Variants in MAP1B observed in about 807,000 individuals in gnomAD.
MAP1B encodes microtubule associated protein 1B.
MAP1B carries 12 observed loss-of-function variants against 176.1 expected under a neutral mutation model. The observed-to-expected ratio is 0.07, with a 90% confidence interval of 0.04 to 0.11. The LOEUF (loss-of-function observed/expected upper bound fraction) is 0.11. Ranked by LOEUF, MAP1B falls within the 10% of genes least tolerant of loss-of-function variation. The pLI, the probability that MAP1B is intolerant of heterozygous loss-of-function variation, is 1.00. For synonymous variants in MAP1B, 1,044 were observed against 1,135.0 expected, an observed-to-expected ratio of 0.92 and a Z score of 1.61; for missense variants, 2,523 against 2,990.5, an observed-to-expected ratio of 0.84 and a Z score of 3.65.
In MAP1B at chr5:72,186,126, G is replaced by C. The variant is rs1260937704; in HGVS notation, c.370-488G>C. 1.3e-5 allele frequency among the ~76,000 whole-genome samples: 2 copies of C among 152,202 alleles called. No individual in the cohort carries two copies. Among genetic ancestry groups the C allele is most frequent in the African/African-American group, 4.8e-5 (2 of 41,442 alleles). ...CTTGGAAGGGCATATGGGAGGGGTTGGTTTGGGACCCTAGTTTGGAACACC... is the reference window on the plus strand; with the variant it reads ...CTTGGAAGGGCATATGGGAGGGGTTCGTTTGGGACCCTAGTTTGGAACACC... On this transcript the variant is annotated intron_variant, in intron 3 of 6. Transcript: ENST00000296755. This position sits in a 1 kb window ranked among gnomAD's most constrained non-coding sequence, Gnocchi z 4.3.
chr5:72,174,663 C>T (rs565839235), intron 2 of MAP1B, among the ~76,000 whole-genome samples: 40 of 152,146 alleles, frequency 2.6e-4, no homozygotes, highest in Non-Finnish European at 3.5e-4. Flanking sequence ...CTTTCTTGTG[C>T]GTTGAGGGGC....
intron 2 of MAP1B, among the ~76,000 whole-genome samples, chr5:72,163,925 T>TCC (rs763426850): frequency 4.1e-5 from 4 of 98,594 alleles, no homozygotes; most frequent in African/African-American, 6.9e-5. Context: ...TCTTTTTTTT[T>TCC]TTTTCTTTTT....
In MAP1B at chr5:72,124,862, C is replaced by A. The variant is rs116669399; in HGVS notation, c.286+9063C>A. ...AGCAACACGTTTTTAGTGCACCTGG[C>A]CCCAGGAACACTGCTCTACATAGAT... On this transcript the variant is annotated intron_variant, in intron 2 of 6. Transcript: ENST00000296755. Among the ~76,000 whole-genome samples, 1,003 of 152,320 alleles carry A rather than the reference C, an allele frequency of 6.6e-3. 10 individuals carry two copies. Among genetic ancestry groups the A allele is most frequent in the African/African-American group, 0.023 (948 of 41,574 alleles).
At chr5:72,176,410 G>T (rs569891662) in intron 2 of MAP1B, among the ~76,000 whole-genome samples, 1 of 152,228 alleles carries the variant, frequency 6.6e-6, no homozygotes, top group East Asian at 1.9e-4. Context: ...CTCATGGAGC[G>T]TGACAAGGGT....
intron 2 of MAP1B, among the ~76,000 whole-genome samples, chr5:72,171,464 C>T (rs989544839): frequency 6.6e-6 from 1 of 152,112 alleles, no homozygotes; most frequent in African/African-American, 2.4e-5. Context: ...TGGCACACAC[C>T]TGTAGTGTTA....
At position 72,205,090 on chromosome 5, in the gene MAP1B, C is replaced by T; in HGVS notation, c.7258C>T (p.Leu2420=). ...TTTTTTTCTCTCCCTGCAGGTGACA[C>T]TGATCCCAACTCATGACTCAGAAGT... is the stretch of plus-strand genomic sequence containing the variant. The part of the protein sequence containing the change: ...AQWGSNMQVT[L]IPTHDSEVMR... The change falls in exon 7 of 7, where the codon CTG becomes TTG. Residue 2420 remains leucine, a synonymous_variant. Coordinates refer to ENST00000296755, the MANE Select transcript of MAP1B (RefSeq NM_005909.5). 1 of 1,608,966 alleles carries T rather than the reference C, an allele frequency of 6.2e-7. No homozygotes were observed. Among genetic ancestry groups the T allele is most frequent in the Non-Finnish European group, 8.5e-7 (1 of 1,178,534 alleles).
At chr5:72,181,475 A>G (rs1373649397) in intron 2 of MAP1B, among the ~76,000 whole-genome samples, 1 of 152,112 alleles carries the variant, frequency 6.6e-6, no homozygotes, top group Non-Finnish European at 1.5e-5. Flanking sequence ...AAAATATAAC[A>G]TTTGCCGTTT....
intron 2 of MAP1B, among the ~76,000 whole-genome samples, chr5:72,146,675 C>T (rs1437882985): frequency 6.6e-6 from 1 of 152,168 alleles, no homozygotes. Context: ...GTTCAGATCC[C>T]AGCAATCTGG....
intron 2 of MAP1B, among the ~76,000 whole-genome samples, chr5:72,132,594 T>C (rs1273129125): frequency 6.6e-6 from 1 of 152,240 alleles, no homozygotes; most frequent in Admixed American, 6.5e-5. Context: ...TAAATTCTGC[T>C]ATTGCATTTT....
rs1233118452 is a variant in MAP1B, at chr5:72,194,426, A to G, written c.1071A>G (p.Val357=). The change falls in exon 5 of 7, where the codon GTA becomes GTG. Residue 357 remains valine, a synonymous_variant. Coordinates refer to ENST00000296755, the MANE Select transcript of MAP1B (RefSeq NM_005909.5). This position sits in a 1 kb window ranked among gnomAD's most constrained non-coding sequence, Gnocchi z 7.2. ...KNLISPDLGV[V]FLNVPENLKN... is the part of the protein sequence containing the mutation. The stretch of plus-strand genomic sequence containing the variant: ...TCATCTCCCCTGACTTAGGAGTTGT[A>G]TTTCTCAATGTACCTGAAAATCTCA... The G allele has an allele frequency of 2.5e-6, 4 of 1,614,032 alleles. No homozygotes were observed. Among genetic ancestry groups the G allele is most frequent in the Non-Finnish European group, 2.5e-6 (3 of 1,180,042 alleles).
At chr5:72,203,519 T>C in intron 5 of MAP1B, 44 bp from the exon 6 acceptor site, 1 of 1,419,270 alleles carries the variant, frequency 7.0e-7, no homozygotes, top group Non-Finnish European at 1.0e-6. Context: ...TATGGTCTCT[T>C]CACCTTGCTA....
intron 2 of MAP1B, among the ~76,000 whole-genome samples, chr5:72,131,309 T>G (rs558508409): frequency 2.0e-3 from 311 of 152,296 alleles, no homozygotes; most frequent in African/African-American, 7.1e-3. Context: ...TATTTTTCCC[T>G]TTTTAAAAAT....
chr5:72,183,526 C>G (rs1173056969), intron 2 of MAP1B, among the ~76,000 whole-genome samples: 1 of 152,212 alleles, frequency 6.6e-6, no homozygotes, highest in Non-Finnish European at 1.5e-5. Context: ...GGGAGGAGCC[C>G]CCGACCACAC....
At chr5:72,203,845 TC>T in intron 6 of MAP1B, 44 bp downstream of exon 6, 1 of 1,576,590 alleles carries the variant, frequency 6.3e-7, no homozygotes, top group Non-Finnish European at 8.7e-7. Context: ...TTGAGCTGTG[TC>T]CAGAGGCAAT....
chr5:72,152,507 C>T (rs377627409), intron 2 of MAP1B, among the ~76,000 whole-genome samples: 14 of 152,204 alleles, frequency 9.2e-5, no homozygotes, highest in East Asian at 7.7e-4. Flanking sequence ...AGTGCAGTGG[C>T]GCAATCTCGG....
intron 1 of MAP1B, among the ~76,000 whole-genome samples, chr5:72,115,237 C>T (rs767457810): frequency 4.3e-4 from 65 of 152,106 alleles, no homozygotes; most frequent in Admixed American, 8.5e-4. Flanking sequence ...AACAAAGGCC[C>T]GTGCTTGAAT....
At chr5:72,163,245 A>AAAAG in intron 2 of MAP1B, among the ~76,000 whole-genome samples, 1 of 151,478 alleles carries the variant, frequency 6.6e-6, no homozygotes, top group African/African-American at 2.4e-5. Context: ...AAAAAAAAAA[A>AAAAG]AAAGAAAGAA....
chr5:72,198,049 C>G lies in MAP1B; in HGVS notation c.4694C>G (p.Pro1565Arg). ...GTGGCTACGAGCTCATTTCCAGAGCCAACAACAGATGATGTGTCTCCATCT... is the reference window on the plus strand; with the variant it reads ...GTGGCTACGAGCTCATTTCCAGAGCGAACAACAGATGATGTGTCTCCATCT... ...ASVATSSFPE[P>R]TTDDVSPSLH... The change falls in exon 5 of 7, where the codon CCA (proline) becomes CGA (arginine). Residue 1565 changes from proline to arginine, a missense_variant. Physicochemically the swap from Pro to Arg is moderately radical, Grantham distance 103 (BLOSUM62 -2). Transcript: ENST00000296755. 2 of 1,614,214 alleles carry G rather than the reference C, an allele frequency of 1.2e-6. No homozygotes were observed. The highest frequency in any genetic ancestry group is 8.5e-7 in the Non-Finnish European group (1 of 1,180,026).
At chr5:72,124,806 T>C (rs893655045) in intron 2 of MAP1B, among the ~76,000 whole-genome samples, 4 of 152,210 alleles carry the variant, frequency 2.6e-5, no homozygotes, top group Non-Finnish European at 5.9e-5. Flanking sequence ...ACGTGGATAG[T>C]GCGAGGAAGG....
Sources: gnomAD v4.1 joint callset for allele counts (sites outside exome capture counted in the v4.1 genomes callset) on GRCh38, gnomAD v4.1.1 for gene constraint, Gnocchi (gnomAD v3.1) non-coding constraint, MANE v1.5 for transcripts, NCBI Gene and HGNC (gene_info 2026-07-23, HGNC 2026-07-21) for gene names.